ESPNL: variants seen among roughly 807,000 people sequenced by gnomAD.
ESPNL encodes the protein espin like, also known as espin-like protein.
A neutral mutation model predicts 46.8 loss-of-function variants in ESPNL; 49 were observed. The observed-to-expected ratio is 1.05, with a 90% CI of 0.83 to 1.33. ESPNL has a LOEUF of 1.33. Among genes scored for constraint, ESPNL ranks in the 40% most tolerant of loss-of-function variants. The pLI is 0.00. For synonymous variants in ESPNL, 664 were observed against 662.1 expected (o/e 1.00, Z -0.04); for missense variants, 1,540 against 1,436.6 (o/e 1.07, Z -1.16).
intron 1 of ESPNL, 58 bp downstream of exon 1, chr2:238,100,771 G>A: frequency 1.5e-6 from 2 of 1,368,470 alleles, no homozygotes; most frequent in East Asian, 3.0e-5. Flanking sequence ...AACCAGGGAG[G>A]TGTGAGCCAC....
intron 6 of ESPNL, 36 bp downstream of exon 6, chr2:238,125,420 T>G: frequency 7.7e-7 from 1 of 1,301,292 alleles, no homozygotes; most frequent in Non-Finnish European, 1.0e-6. Context: ...ACCCAGGGCA[T>G]GGGCCTGGGA....
At chr2:238,109,215 A>AG (rs1462862360) in intron 4 of ESPNL, among the ~76,000 whole-genome samples, 1 of 152,154 alleles carries the variant, frequency 6.6e-6, no homozygotes, top group Non-Finnish European at 1.5e-5. Flanking sequence ...GCCCCTGGCC[A>AG]GGGGTTTTTA....
At chr2:238,115,829 C>T (rs776806056) in intron 4 of ESPNL, among the ~76,000 whole-genome samples, 1 of 152,220 alleles carries the variant, frequency 6.6e-6, no homozygotes, top group Non-Finnish European at 1.5e-5. Flanking sequence ...CCCGCCACCA[C>T]GCCTGGCTAA....
intron 5 of ESPNL, among the ~76,000 whole-genome samples, chr2:238,122,750 A>C (rs1272054017): frequency 6.6e-6 from 1 of 152,172 alleles, no homozygotes. Flanking sequence ...GAGAGGCACC[A>C]TCCCACTCCC....
intron 4 of ESPNL, among the ~76,000 whole-genome samples, chr2:238,110,019 C>T (rs4663839): frequency 2.1e-4 from 25 of 117,650 alleles, no homozygotes; most frequent in African/African-American, 3.4e-4. Context: ...TAGGATGCCA[C>T]ACGTTACCGA....
In ESPNL at chr2:238,117,018, G is replaced by T. The variant is rs776412407; in HGVS notation, c.971G>T (p.Arg324Leu). Residue 324 changes from arginine to leucine, a missense_variant, in exon 5 of 9, where the codon CGG becomes CTG. Physicochemically the swap from Arg to Leu is moderately radical, Grantham distance 102 (BLOSUM62 -2). Coordinates refer to ENST00000343063, the MANE Select transcript of ESPNL (RefSeq NM_194312.4). ...HGHRDCAQYL[R>L]EVAQPVPLLM... ...CACCGGGACTGCGCCCAGTACCTGC[G>T]GGAGGTGGCCCAGCCGGTAAGGCTC... is the stretch of plus-strand genomic sequence containing the variant. 1.2e-6 allele frequency: 2 copies of T among 1,611,176 alleles called. No individual in the cohort carries two copies. Among genetic ancestry groups the T allele is most frequent in the Admixed American group, 1.7e-5 (1 of 59,868 alleles).
rs371780532 is a variant in ESPNL, at chr2:238,104,683, C to T, written c.513C>T (p.Gly171=). The T allele has an allele frequency of 3.4e-5, 54 of 1,600,856 alleles. 1 individual carries two copies. The highest frequency in any genetic ancestry group is 2.4e-4 in the African/African-American group (18 of 74,652). ...GCGTGAACCGGCGGACACGCAGTGG[C>T]GCCTCCCCACTCTACCTGGCCTGCC... ...GSSVNRRTRS[G]ASPLYLACQE... is the part of the protein sequence containing the mutation. The change falls in exon 3 of 9, where the codon GGC becomes GGT. Residue 171 remains glycine, a synonymous_variant. Coordinates refer to ENST00000343063, the MANE Select transcript of ESPNL (RefSeq NM_194312.4).
chr2:238,111,645 T>G (rs1362350379), intron 4 of ESPNL, among the ~76,000 whole-genome samples: 1 of 152,270 alleles, frequency 6.6e-6, no homozygotes, highest in Non-Finnish European at 1.5e-5. Context: ...TAATATTCCA[T>G]TGTATGTATA....
At chr2:238,125,164 T>C in intron 5 of ESPNL, 106 bp from the exon 6 acceptor site, 1 of 543,318 alleles carries the variant, frequency 1.8e-6, no homozygotes, top group South Asian at 2.7e-5. Context: ...CCTTCTCAGA[T>C]GCACAGGCTC....
chr2:238,117,370 G>A (rs769866863), intron 5 of ESPNL, among the ~76,000 whole-genome samples: 22 of 152,232 alleles, frequency 1.4e-4, no homozygotes, highest in Non-Finnish European at 2.4e-4. Context: ...GCCAGGGCCC[G>A]GCCTGGGCTT....
chr2:238,121,855 G>A (rs1691994261), intron 5 of ESPNL, among the ~76,000 whole-genome samples: 1 of 152,230 alleles, frequency 6.6e-6, no homozygotes, highest in East Asian at 1.9e-4. Context: ...GCCCAGAGAA[G>A]GTGAGAGGCT....
At chr2:238,104,595 G>A in intron 2 of ESPNL, 61 bp from the exon 3 acceptor site, 4 of 1,479,258 alleles carry the variant, frequency 2.7e-6, no homozygotes. Flanking sequence ...AGTCCAAGCA[G>A]CCGAGGGATG....
At position 238,114,574 on chromosome 2, in the gene ESPNL, C is replaced by T. The variant is rs114827477; in HGVS notation, c.856-2329C>T. 0.012 allele frequency among the ~76,000 whole-genome samples: 1,757 copies of T among 152,306 alleles called. 37 individuals are homozygous for T. The highest frequency in any genetic ancestry group is 0.04 in the African/African-American group (1,676 of 41,568). On this transcript the variant is annotated intron_variant, in intron 4 of 8. Coordinates refer to ENST00000343063, the MANE Select transcript of ESPNL (RefSeq NM_194312.4). This position sits in a 1 kb window ranked among gnomAD's most constrained non-coding sequence, Gnocchi z 5.0. ...TTGCACATCTGACAAATGCTTCCTG[C>T]TTCCTCAGCCACACCAGCCACTGGC...
intron 3 of ESPNL, among the ~76,000 whole-genome samples, chr2:238,105,594 C>T (rs1438406669): frequency 6.6e-6 from 1 of 150,620 alleles, no homozygotes; most frequent in African/African-American, 2.4e-5. Context: ...GGACAGGAGG[C>T]GGCCGGACAA....
chr2:238,121,189 G>GCCCC (rs1691980398), intron 5 of ESPNL, among the ~76,000 whole-genome samples: 1 of 152,178 alleles, frequency 6.6e-6, no homozygotes, highest in African/African-American at 2.4e-5. Flanking sequence ...CTCGAGGCAG[G>GCCCC]CCCCCTCCCC....
chr2:238,116,968 G>A lies in ESPNL; in HGVS notation c.921G>A (p.Ala307=), dbSNP rs373310293. The change falls in exon 5 of 9, where the codon GCG becomes GCA. Residue 307 remains alanine (A), a synonymous_variant. Coordinates refer to ENST00000343063, the MANE Select transcript of ESPNL (RefSeq NM_194312.4). ...PSLRDEDGYT[A]ADLAEYHGHR... ...TGCGGGATGAAGATGGTTACACGGCGGCAGACCTGGCGGAGTACCATGGAC... is the reference window on the plus strand; with the variant it reads ...TGCGGGATGAAGATGGTTACACGGCAGCAGACCTGGCGGAGTACCATGGAC... The A allele has an allele frequency of 1.4e-5, 22 of 1,612,456 alleles. No homozygotes were observed. The highest frequency in any genetic ancestry group is 6.7e-5 in the East Asian group (3 of 44,882).
At chr2:238,125,866 C>A (rs570550542) in intron 6 of ESPNL, among the ~76,000 whole-genome samples, 1 of 152,282 alleles carries the variant, frequency 6.6e-6, no homozygotes, top group South Asian at 2.1e-4. Context: ...TCCACGGGCC[C>A]TGCTGCGGCC....
At position 238,133,150 on chromosome 2, in the gene ESPNL, C is replaced by A. The variant is rs1228052728; in HGVS notation, c.*1418C>A. ...CCGGGAAGGGAAGTAGCACCGGCCG[C>A]AGCCCCAAGCCAGTGGCTTTTCCAC... On this transcript the variant is annotated 3_prime_UTR_variant, in exon 9 of 9. Transcript: ENST00000343063. 1 of 152,228 alleles carries A rather than the reference C, an allele frequency of 6.6e-6. No individual in the cohort carries two copies. The highest frequency in any genetic ancestry group is 1.5e-5 in the Non-Finnish European group (1 of 68,044). 9.4% of individuals were successfully genotyped at this position (152,228 alleles called of 1,614,324 possible).
In ESPNL at chr2:238,126,459, T is replaced by G. The variant is rs549038972; in HGVS notation, c.1102+1075T>G. ...GTGTCAGTGTGTGATTGTGTCTATG[T>G]GATTGTGTGTATCTGTGTGATTGTG... is the stretch of plus-strand genomic sequence containing the variant. On this transcript the variant is annotated intron_variant, in intron 6 of 8. Transcript: ENST00000343063. Among the ~76,000 whole-genome samples, 38 of 152,034 alleles carry G rather than the reference T, an allele frequency of 2.5e-4. 1 individual carries two copies. The South Asian group carries it at 7.9e-3, about 32-fold the overall frequency.
Sources: gnomAD v4.1 joint callset for allele counts (sites outside exome capture counted in the v4.1 genomes callset) on GRCh38, gnomAD v4.1.1 for gene constraint, Gnocchi (gnomAD v3.1) non-coding constraint, MANE v1.5 for transcripts, NCBI Gene and HGNC (gene_info 2026-07-23, HGNC 2026-07-21) for gene names.